The following IRAG2 variants were observed in gnomAD, a reference collection of about 807,000 sequenced individuals.
IRAG2 encodes lymphoid restricted membrane protein.
A neutral mutation model predicts 69.9 loss-of-function variants in IRAG2; 45 were observed. The observed-to-expected ratio is 0.64, with a 90% CI of 0.51 to 0.83. The LOEUF (loss-of-function observed/expected upper bound fraction) is 0.83, where lower values mean the gene tolerates loss of function less well. Among genes scored for constraint, IRAG2 ranks in the 40% least tolerant of loss-of-function variants. The pLI is 0.00. For synonymous variants in IRAG2, 193 were observed against 202.4 expected, an observed-to-expected ratio of 0.95 and a Z score of 0.40; for missense variants, 520 against 587.0, an observed-to-expected ratio of 0.89 and a Z score of 1.18.
intron 20 of IRAG2, among the ~76,000 whole-genome samples, chr12:25,105,075 T>TC (rs1333185589): frequency 1.4e-5 from 2 of 141,340 alleles, no homozygotes; most frequent in African/African-American, 5.4e-5. Context: ...GTCTCAGTTT[T>TC]TTTTTTTTTT....
At chr12:25,035,130 G>T (rs1160983890) in intron 13 of IRAG2, among the ~76,000 whole-genome samples, 1 of 152,200 alleles carries the variant, frequency 6.6e-6, no homozygotes, top group Non-Finnish European at 1.5e-5. Flanking sequence ...CTTCTAACTA[G>T]AATCTCAAAG....
chr12:25,050,036 T>C (rs1944829876), upstream of IRAG2, among the ~76,000 whole-genome samples: 1 of 134,558 alleles, frequency 7.4e-6, no homozygotes, highest in African/African-American at 2.8e-5. Flanking sequence ...GGCAGGAGAA[T>C]GGCGTTAGCT....
At chr12:25,077,231 T>TATATATATGAA (rs1946775500) in intron 6 of IRAG2, among the ~76,000 whole-genome samples, 2 of 45,510 alleles carry the variant, frequency 4.4e-5, no homozygotes, top group Non-Finnish European at 9.6e-5. Context: ...ATATATATGA[T>TATATATATGAA]ATATATATGA....
intron 10 of IRAG2, among the ~76,000 whole-genome samples, chr12:25,087,672 G>A (rs574905884): frequency 3.9e-5 from 6 of 152,132 alleles, no homozygotes; most frequent in South Asian, 2.1e-4. Flanking sequence ...GTCCCCAGTC[G>A]CTGCTGAGCC....
Position 25,040,923 on chromosome 12 carries a change from A to G in IRAG2, c.2144+2786A>G, listed in dbSNP as rs956961006. Among the ~76,000 whole-genome samples, 14 of 150,860 alleles carry G rather than the reference A, an allele frequency of 9.3e-5. 1 individual carries two copies. The highest frequency in any genetic ancestry group is 9.2e-4 in the Admixed American group (14 of 15,226). Reference sequence around the variant, plus strand: ...TAGTAAAGGATGCAAATAACAAACAAATAAACATATAATGTCAGAGAGTGT... The same window carrying G: ...TAGTAAAGGATGCAAATAACAAACAGATAAACATATAATGTCAGAGAGTGT... On this transcript the variant is annotated intron_variant, in intron 16 of 38. Transcript: ENST00000636465.
rs368130406 is a variant in IRAG2, at chr12:25,082,711, GTTC to G, written c.245-709_245-707del. Among the ~76,000 whole-genome samples, 46 of 152,178 alleles carry G rather than the reference GTTC, an allele frequency of 3.0e-4. 1 individual carries two copies. In the South Asian group the frequency reaches 9.3e-3, roughly 31 times the overall value. ...CTGTGAAGAAATTGCTTACCATTTT[GTTC>G]TTATTTCCATATAAATTTTACAAAT... On this transcript the variant is annotated intron_variant, in intron 9 of 21. Transcript: ENST00000556887.
intron 15 of IRAG2, among the ~76,000 whole-genome samples, 197 bp downstream of exon 15, chr12:25,097,241 G>A (rs1034055610): frequency 3.6e-5 from 5 of 138,976 alleles, no homozygotes; most frequent in African/African-American, 8.8e-5. Flanking sequence ...AATATAATAC[G>A]ATCCAGTGAC....
intron 2 of IRAG2, chr12:25,005,369 A>G: frequency 8.9e-7 from 1 of 1,123,394 alleles, no homozygotes; most frequent in South Asian, 4.5e-5. Context: ...GCTAAAAATT[A>G]TCTGTTTAAA....
chr12:25,000,019 T>A (rs1468438753), upstream of IRAG2, among the ~76,000 whole-genome samples: 1 of 152,246 alleles, frequency 6.6e-6, no homozygotes, highest in Non-Finnish European at 1.5e-5. Context: ...TGTTCATAGC[T>A]GTATCTTCCA....
chr12:25,020,241 GT>G (rs977325773), intron 6 of IRAG2, among the ~76,000 whole-genome samples: 1 of 151,778 alleles, frequency 6.6e-6, no homozygotes, highest in Non-Finnish European at 1.5e-5. Flanking sequence ...GGATGTTTAG[GT>G]TTTTTTTCCA....
chr12:25,010,843 G>A (rs1307044227), intron 2 of IRAG2, among the ~76,000 whole-genome samples: 4 of 151,994 alleles, frequency 2.6e-5, no homozygotes, highest in South Asian at 2.1e-4. Flanking sequence ...AACATAGTTT[G>A]GATGATTTTC....
intron 5 of IRAG2, among the ~76,000 whole-genome samples, chr12:25,015,977 C>G (rs1944524240): frequency 6.6e-6 from 1 of 152,168 alleles, no homozygotes; most frequent in Admixed American, 6.5e-5. Flanking sequence ...GGATGGATCA[C>G]TTGAAGTCAG....
At chr12:25,057,141 G>A (rs1945309875) in intron 1 of IRAG2, among the ~76,000 whole-genome samples, 2 of 152,024 alleles carry the variant, frequency 1.3e-5, no homozygotes, top group African/African-American at 2.4e-5. Context: ...GCATGTCTGA[G>A]TGATGCATGT....
At chr12:25,045,991 CA>C (rs1944790224) in intron 16 of IRAG2, among the ~76,000 whole-genome samples, 1 of 151,854 alleles carries the variant, frequency 6.6e-6, no homozygotes, top group Admixed American at 6.6e-5. Context: ...CAGTCAAATA[CA>C]AAAGCACATT....
the IRAG2 span, among the ~76,000 whole-genome samples, chr12:24,997,804 A>G: frequency 6.6e-6 from 1 of 152,196 alleles, no homozygotes; most frequent in Non-Finnish European, 1.5e-5. Context: ...TAGAGGTTCA[A>G]CAGAGTTCAT....
At chr12:25,053,011 A>G (rs1279629861) in intron 1 of IRAG2, 55 bp downstream of exon 1, 2 of 398,136 alleles carry the variant, frequency 5.0e-6, no homozygotes, top group Non-Finnish European at 8.9e-6. Context: ...CAGGCGGGGC[A>G]TAGGACTACA....
At chr12:25,101,993 G>A (rs1948778924) in intron 16 of IRAG2, 1 of 683,524 alleles carries the variant, frequency 1.5e-6, no homozygotes, top group African/African-American at 1.8e-5. Flanking sequence ...ACATCACAGT[G>A]ACACAGAGGA....
At chr12:25,070,820 G>A (rs112699590) in intron 6 of IRAG2, among the ~76,000 whole-genome samples, 6 of 152,264 alleles carry the variant, frequency 3.9e-5, no homozygotes, top group African/African-American at 1.2e-4. Flanking sequence ...TTTTATTAAA[G>A]CCATCTTTGT....
At chr12:25,054,200 A>G (rs534709376) in intron 1 of IRAG2, among the ~76,000 whole-genome samples, 1 of 152,360 alleles carries the variant, frequency 6.6e-6, no homozygotes, top group Admixed American at 6.5e-5. Flanking sequence ...TTAAGCTAGT[A>G]AGGCAGTCTT....
Sources: allele counts gnomAD v4.1 joint callset (sites outside exome capture counted in the v4.1 genomes callset), GRCh38; gene constraint gnomAD v4.1.1; transcripts MANE v1.5; gene names NCBI Gene and HGNC (gene_info 2026-07-23, HGNC 2026-07-21).